KIRREL3: variants seen among roughly 807,000 people sequenced by gnomAD.
KIRREL3 encodes the protein kirre like nephrin family adhesion molecule 3, also known as kin of IRRE-like protein 3.
In KIRREL3, 36 loss-of-function variants were observed where a neutral mutation model predicts 89.7. That is an observed-to-expected ratio of 0.40 (90% CI 0.31 to 0.53). The LOEUF is 0.53. Ranked by LOEUF, KIRREL3 falls within the 20% of genes least tolerant of loss-of-function variation. The pLI is 0.49. For missense variants in KIRREL3, 864 were observed against 1,056.6 expected, an observed-to-expected ratio of 0.82 and a Z score of 2.53; for synonymous variants, 445 against 441.4, an observed-to-expected ratio of 1.01 and a Z score of -0.10.
intron 1 of KIRREL3, among the ~76,000 whole-genome samples, chr11:126,721,803 GCTGCAGCTTCACAC>G (rs1352712360): frequency 2.0e-5 from 3 of 152,200 alleles, no homozygotes; most frequent in African/African-American, 7.2e-5. Flanking sequence ...TGGAGGGACA[GCTGCAGCTTCACAC>G]CTGTGAAGAG....
At chr11:126,580,529 G>A (rs1034485634) in intron 1 of KIRREL3, among the ~76,000 whole-genome samples, 2 of 152,222 alleles carry the variant, frequency 1.3e-5, no homozygotes, top group African/African-American at 4.8e-5. Flanking sequence ...GTCAGTGGAG[G>A]CATACCGTGG....
At chr11:126,630,671 A>T (rs1943981706) in intron 1 of KIRREL3, among the ~76,000 whole-genome samples, 1 of 152,026 alleles carries the variant, frequency 6.6e-6, no homozygotes, top group Non-Finnish European at 1.5e-5. Context: ...TAGCAGACTG[A>T]TTGCCTCCTG....
chr11:126,900,273 C>T lies in KIRREL3; in HGVS notation c.55+100182G>A, dbSNP rs1946323666. Among the ~76,000 whole-genome samples the T allele has an allele frequency of 6.6e-6, 1 of 152,192 alleles. No individual in the cohort carries two copies. Among genetic ancestry groups the T allele is most frequent in the Non-Finnish European group, 1.5e-5 (1 of 68,032 alleles). On this transcript the variant is annotated intron_variant, in intron 1 of 16. Coordinates refer to ENST00000525144, the MANE Select transcript of KIRREL3 (RefSeq NM_032531.4). The surrounding 1 kb of genome is among the most constrained non-coding windows in gnomAD (Gnocchi z 4.4). ...GAATTATTCAAACCAAAGACGCCTTCACCACCAATGATCAGAGGAAAAGTG... is the reference window on the plus strand; with the variant it reads ...GAATTATTCAAACCAAAGACGCCTTTACCACCAATGATCAGAGGAAAAGTG...
chr11:126,808,615 G>C lies in KIRREL3; in HGVS notation c.55+191840C>G, dbSNP rs1224227566. 6.6e-6 allele frequency among the ~76,000 whole-genome samples: 1 copy of C among 152,210 alleles called. No individual in the cohort carries two copies. Among genetic ancestry groups the C allele is most frequent in the East Asian group, 1.9e-4 (1 of 5,194 alleles). The stretch of plus-strand genomic sequence containing the variant: ...ACAGAAACATCAGCAGCAAAATGGA[G>C]CCAAATGGGCGGGGGCCTTTTTCTG... On this transcript the variant is annotated intron_variant, in intron 1 of 16. Coordinates refer to ENST00000525144, the MANE Select transcript of KIRREL3 (RefSeq NM_032531.4). The surrounding 1 kb of genome is among the most constrained non-coding windows in gnomAD (Gnocchi z 4.1).
chr11:126,589,714 C>T lies in KIRREL3; in HGVS notation c.56-26802G>A, dbSNP rs993178670. Reference sequence around the variant, plus strand: ...CCGTGACACAGATGTACCTATAGGGCGTGAGTGCAGCCCCTTACCTCTCAG... The same window carrying T: ...CCGTGACACAGATGTACCTATAGGGTGTGAGTGCAGCCCCTTACCTCTCAG... On this transcript the variant is annotated intron_variant, in intron 1 of 16. Transcript: ENST00000525144. Among the ~76,000 whole-genome samples, 48 of 152,162 alleles carry T rather than the reference C, an allele frequency of 3.2e-4. 2 individuals are homozygous for T. The highest frequency in any genetic ancestry group is 5.9e-5 in the Non-Finnish European group (4 of 68,040).
intron 2 of KIRREL3, among the ~76,000 whole-genome samples, chr11:126,547,088 T>C (rs1378526990): frequency 6.6e-6 from 1 of 152,222 alleles, no homozygotes; most frequent in Non-Finnish European, 1.5e-5. Context: ...TGTTCACCCA[T>C]GTTACTTGGT....
In KIRREL3 at chr11:126,923,239, TC is replaced by T. The variant is rs1484183124; in HGVS notation, c.55+77215del. ...TTCTTCTTCTTCTTCTTCTTCTTCT[TC>T]TTCTTCTTCTTCTTCTTCTTCTTCT... On this transcript the variant is annotated intron_variant, in intron 1 of 16. Coordinates refer to ENST00000525144, the MANE Select transcript of KIRREL3 (RefSeq NM_032531.4). 1.8e-4 allele frequency among the ~76,000 whole-genome samples: 10 copies of T among 55,918 alleles called. 3 individuals carry two copies. The highest frequency in any genetic ancestry group is 7.0e-4 in the African/African-American group (10 of 14,328). 36.7% of individuals were successfully genotyped at this position (55,918 alleles called of 152,430 possible). A position where few individuals can be genotyped will look rare whatever the true frequency, so the allele number is the denominator to read the frequency against.
chr11:126,932,784 G>C (rs1433449863), intron 1 of KIRREL3, among the ~76,000 whole-genome samples: 1 of 152,190 alleles, frequency 6.6e-6, no homozygotes, highest in Non-Finnish European at 1.5e-5. Context: ...AATTGTAATT[G>C]CTTGAGATTT....
At chr11:126,726,886 C>A (rs1240452572) in intron 1 of KIRREL3, among the ~76,000 whole-genome samples, 1 of 152,340 alleles carries the variant, frequency 6.6e-6, no homozygotes, top group East Asian at 1.9e-4. Flanking sequence ...TCCTATTCAT[C>A]CTCTAAGACC....
chr11:126,834,342 G>T (rs1485650009), intron 1 of KIRREL3, among the ~76,000 whole-genome samples: 2 of 152,136 alleles, frequency 1.3e-5, no homozygotes, highest in African/African-American at 4.8e-5. Context: ...TCAGAGCTAG[G>T]CTGAAACTAT....
At position 126,482,256 on chromosome 11, in the gene KIRREL3, C is replaced by T. The variant is rs1957240103; in HGVS notation, c.434-8790G>A. On this transcript the variant is annotated intron_variant, in intron 4 of 16. Coordinates refer to ENST00000525144, the MANE Select transcript of KIRREL3 (RefSeq NM_032531.4). ...GTTTCACCATGTTGGCTAGGCTGGT[C>T]TCGAACTCCTGACCTCAGGTGATCC... Among the ~76,000 whole-genome samples the T allele has an allele frequency of 2.6e-5, 4 of 152,198 alleles. No individual in the cohort carries two copies. The South Asian group carries it at 8.3e-4, about 32-fold the overall frequency.
chr11:126,993,482 A>T lies in KIRREL3; in HGVS notation c.55+6973T>A, dbSNP rs1950095465. Among the ~76,000 whole-genome samples, 1 of 152,202 alleles carries T rather than the reference A, an allele frequency of 6.6e-6. No homozygotes were observed. Among genetic ancestry groups the T allele is most frequent in the South Asian group, 2.1e-4 (1 of 4,824 alleles). ...ATCCTATAATATCAAGCATGATGTC[A>T]TCTCCTCTGTGCAACCTTTTCTGAT... is the stretch of plus-strand genomic sequence containing the variant. On this transcript the variant is annotated intron_variant, in intron 1 of 16. Coordinates refer to ENST00000525144, the MANE Select transcript of KIRREL3 (RefSeq NM_032531.4). The surrounding 1 kb of genome is among the most constrained non-coding windows in gnomAD (Gnocchi z 6.1).
At position 126,768,174 on chromosome 11, in the gene KIRREL3, C is replaced by CA. The variant is rs1211227883; in HGVS notation, c.56-205263dup. 0.14 allele frequency among the ~76,000 whole-genome samples: 8,815 copies of CA among 60,946 alleles called. 317 individuals carry two copies. The highest frequency in any genetic ancestry group is 0.24 in the Admixed American group (1,408 of 5,822). 40.0% of individuals were successfully genotyped at this position (60,946 alleles called of 152,430 possible). ...CATCCATCCATCCATCCATCCAATC[C>CA]ATCCATCCATCCATCCATCCATCCA... On this transcript the variant is annotated intron_variant, in intron 1 of 16. Coordinates refer to ENST00000525144, the MANE Select transcript of KIRREL3 (RefSeq NM_032531.4). The surrounding 1 kb of genome is among the most constrained non-coding windows in gnomAD (Gnocchi z 4.5).
rs1188144826 is a variant in KIRREL3 at position 126,763,526 on chromosome 11, C to T, written c.56-200614G>A. 1.3e-5 allele frequency among the ~76,000 whole-genome samples: 2 copies of T among 152,184 alleles called. No homozygotes were observed. Among genetic ancestry groups the T allele is most frequent in the African/African-American group, 2.4e-5 (1 of 41,442 alleles). On this transcript the variant is annotated intron_variant, in intron 1 of 16. Transcript: ENST00000525144. The surrounding 1 kb of genome is among the most constrained non-coding windows in gnomAD (Gnocchi z 4.7). ...TTCTAGTCTCTCTGGGGCCACATGA[C>T]ACCCGAACACACAGAATCTGTGGGA...
At chr11:126,810,827 G>A (rs942952498) in intron 1 of KIRREL3, among the ~76,000 whole-genome samples, 9 of 152,212 alleles carry the variant, frequency 5.9e-5, no homozygotes, top group Non-Finnish European at 1.3e-4. Context: ...GCAACAGAGA[G>A]CAGTTTCCAG....
In KIRREL3 at chr11:126,742,696, A is replaced by G. The variant is rs1486461277; in HGVS notation, c.56-179784T>C. ...GAATTTTATTTTCTCTCAAATATAT[A>G]TCACCTAGCAGCTAAGAAATCAGCA... is the stretch of plus-strand genomic sequence containing the variant. On this transcript the variant is annotated intron_variant, in intron 1 of 16. Coordinates refer to ENST00000525144, the MANE Select transcript of KIRREL3 (RefSeq NM_032531.4). This position sits in a 1 kb window ranked among gnomAD's most constrained non-coding sequence, Gnocchi z 5.3. Among the ~76,000 whole-genome samples, 2 of 152,246 alleles carry G rather than the reference A, an allele frequency of 1.3e-5. No homozygotes were observed. The highest frequency in any genetic ancestry group is 2.9e-5 in the Non-Finnish European group (2 of 68,050).
rs1395042477 is a variant in KIRREL3 at position 126,796,361 on chromosome 11, G to A, written c.55+204094C>T. ...ACCCAGGGCATCAGGGCTGGGGATT[G>A]TCTTGGATGGAAGGATCTCATTCTG... On this transcript the variant is annotated intron_variant, in intron 1 of 16. Coordinates refer to ENST00000525144, the MANE Select transcript of KIRREL3 (RefSeq NM_032531.4). The surrounding 1 kb of genome is among the most constrained non-coding windows in gnomAD (Gnocchi z 5.1). Among the ~76,000 whole-genome samples, 1 of 152,212 alleles carries A rather than the reference G, an allele frequency of 6.6e-6. No homozygotes were observed. Among genetic ancestry groups the A allele is most frequent in the Admixed American group, 6.5e-5 (1 of 15,284 alleles).
rs936625062 is a variant in KIRREL3 at position 126,987,238 on chromosome 11, T to G, written c.55+13217A>C. Among the ~76,000 whole-genome samples the G allele has an allele frequency of 1.3e-5, 2 of 152,190 alleles. No homozygotes were observed. Among genetic ancestry groups the G allele is most frequent in the South Asian group, 4.1e-4 (2 of 4,830 alleles). On this transcript the variant is annotated intron_variant, in intron 1 of 16. Transcript: ENST00000525144. The surrounding 1 kb of genome is among the most constrained non-coding windows in gnomAD (Gnocchi z 4.6). ...GGATACACTGACCCACAAAGATTCC[T>G]TTTCCATTGCAATTGTGAGTGAGCA...
At chr11:126,634,800 A>G (rs1397368068) in intron 1 of KIRREL3, among the ~76,000 whole-genome samples, 1 of 152,002 alleles carries the variant, frequency 6.6e-6, no homozygotes, top group African/African-American at 2.4e-5. Flanking sequence ...GCAAATATCC[A>G]TCCTCGGTCC....
Sources: gnomAD v4.1 joint callset for allele counts (sites outside exome capture counted in the v4.1 genomes callset) on GRCh38, gnomAD v4.1.1 for gene constraint, Gnocchi (gnomAD v3.1) non-coding constraint, MANE v1.5 for transcripts, NCBI Gene and HGNC (gene_info 2026-07-23, HGNC 2026-07-21) for gene names.